Variants in DDX54 observed in about 807,000 individuals in gnomAD.
The protein encoded by DDX54 is ATP-dependent RNA helicase DDX54.
In DDX54, 67 loss-of-function variants were observed where a neutral mutation model predicts 105.5. That is an observed-to-expected ratio of 0.64 (90% CI 0.52 to 0.78). The LOEUF is 0.78. Among genes scored for constraint, DDX54 ranks in the 30% least tolerant of loss-of-function variants. DDX54 has a pLI of 0.00. For synonymous variants in DDX54, 514 were observed against 509.9 expected (o/e 1.01, Z -0.11); for missense variants, 1,206 against 1,230.5 (o/e 0.98, Z 0.30).
Position 113,157,531 on chromosome 12 carries a change from C to T in DDX54, c.*1346G>A, listed in dbSNP as rs191674171. The T allele has an allele frequency of 2.1e-3, 2,726 of 1,319,548 alleles. 4 individuals are homozygous for T. Among genetic ancestry groups the T allele is most frequent in the Non-Finnish European group, 2.4e-3 (2,282 of 938,236 alleles). 81.7% of individuals were successfully genotyped at this position (1,319,548 alleles called of 1,614,324 possible). ...CCCCGCCCTACCTTTCGGCCTCCCC[C>T]GCGTGTTGAGGGGTGGGGGCTGGAC... On this transcript the variant is annotated 3_prime_UTR_variant, in exon 20 of 20. Transcript: ENST00000306014.
At chr12:113,179,417 A>G in intron 3 of DDX54, 86 bp from the exon 4 acceptor site, 1 of 1,443,854 alleles carries the variant, frequency 6.9e-7, no homozygotes, top group Non-Finnish European at 9.4e-7. Context: ...AGGAGTGGGC[A>G]TGCTATAGAT....
intron 19 of DDX54, among the ~76,000 whole-genome samples, chr12:113,159,517 C>T (rs1952179873): frequency 1.3e-5 from 2 of 152,164 alleles, no homozygotes; most frequent in African/African-American, 4.8e-5. Flanking sequence ...ATTAAAAATT[C>T]TCCAACCAAG....
Position 113,162,005 on chromosome 12 carries a change from A to G in DDX54, c.2196-8T>C. On this transcript the variant is annotated splice_region_variant and splice_polypyrimidine_tract_variant and intron_variant, in intron 17 of 19. Transcript: ENST00000306014. ...CGCTTCTTCTTACGGTCCCTGCAGGAGAGGGAGTTGGGACGGCTGCCGTGG... is the reference window on the plus strand; with the variant it reads ...CGCTTCTTCTTACGGTCCCTGCAGGGGAGGGAGTTGGGACGGCTGCCGTGG... 6.2e-7 allele frequency: 1 copy of G among 1,612,116 alleles called. No individual in the cohort carries two copies. Among genetic ancestry groups the G allele is most frequent in the African/African-American group, 1.3e-5 (1 of 74,940 alleles).
intron 14 of DDX54, among the ~76,000 whole-genome samples, chr12:113,164,980 T>C (rs949561746): frequency 2.6e-5 from 4 of 152,272 alleles, no homozygotes; most frequent in South Asian, 4.1e-4. Context: ...TGAGCCATGA[T>C]TGCACCACTG....
chr12:113,163,134 C>T lies in DDX54; in HGVS notation c.2079G>A (p.Arg693=), dbSNP rs764999719. The T allele has an allele frequency of 1.2e-6, 2 of 1,613,056 alleles. No homozygotes were observed. Among genetic ancestry groups the T allele is most frequent in the Non-Finnish European group, 8.5e-7 (1 of 1,179,962 alleles). ...CCAGGACCCAGCCAGCCACTCACCC[C>T]CGCTCGCTGTCAAAGTCCTTGGGCC... is the stretch of plus-strand genomic sequence containing the variant. ...PYRPKDFDSE[R]GLSISGEGGA... is the part of the protein sequence containing the mutation. Residue 693 remains arginine (R), a splice_region_variant and synonymous_variant, in exon 16 of 20, where the codon CGG becomes CGA. Transcript: ENST00000306014. This position sits in a 1 kb window ranked among gnomAD's most constrained non-coding sequence, Gnocchi z 5.9.
At chr12:113,182,419 AC>A (rs1187196988) in intron 1 of DDX54, among the ~76,000 whole-genome samples, 2 of 152,210 alleles carry the variant, frequency 1.3e-5, no homozygotes, top group Non-Finnish European at 2.9e-5. Flanking sequence ...ATATGGCCCA[AC>A]AAAACCTAAA....
rs1030513318 is a variant in DDX54, at chr12:113,157,193, T to C, written c.*1684A>G. ...AGTTCTAGTTTTTACAATGGATCCA[T>C]GGTATTTATTAAGTTCATATTCATA... On this transcript the variant is annotated 3_prime_UTR_variant, in exon 20 of 20. Transcript: ENST00000306014. 5.8e-6 allele frequency: 1 copy of C among 171,490 alleles called. No individual in the cohort carries two copies. Among genetic ancestry groups the C allele is most frequent in the African/African-American group, 2.4e-5 (1 of 42,362 alleles). 10.6% of individuals were successfully genotyped at this position (171,490 alleles called of 1,614,324 possible).
At chr12:113,167,107 G>C (rs1247359499) in intron 12 of DDX54, among the ~76,000 whole-genome samples, 6 of 152,126 alleles carry the variant, frequency 3.9e-5, no homozygotes, top group Admixed American at 3.9e-4. Flanking sequence ...GCCAAGCATG[G>C]TGGCTCACAC....
chr12:113,165,368 T>C (rs1249013518), intron 14 of DDX54, among the ~76,000 whole-genome samples: 1 of 152,172 alleles, frequency 6.6e-6, no homozygotes, highest in African/African-American at 2.4e-5. Flanking sequence ...CTGTAAGTGC[T>C]AGGGAATGGC....
chr12:113,179,829 G>A, intron 3 of DDX54, 106 bp downstream of exon 3: 4 of 1,318,478 alleles, frequency 3.0e-6, no homozygotes, highest in South Asian at 2.4e-5. Context: ...GAGTAAAGGG[G>A]GCAGGAGATG....
rs1203019387 is a variant in DDX54 at position 113,157,585 on chromosome 12, G to A, written c.*1292C>T. 9.0e-6 allele frequency: 14 copies of A among 1,551,120 alleles called. No individual in the cohort carries two copies. Among genetic ancestry groups the A allele is most frequent in the Admixed American group, 5.9e-5 (3 of 50,994 alleles). On this transcript the variant is annotated 3_prime_UTR_variant, in exon 20 of 20. Coordinates refer to ENST00000306014, the MANE Select transcript of DDX54 (RefSeq NM_024072.4). ...GACTCTGGGGCTGGGATGTGACTTC[G>A]TGCTGGGCCCCCCCAGGTGAAGCTG... is the stretch of plus-strand genomic sequence containing the variant.
Position 113,158,813 on chromosome 12 carries a change from C to A in DDX54, c.*64G>T. The A allele has an allele frequency of 2.7e-6, 4 of 1,499,674 alleles. No homozygotes were observed. The highest frequency in any genetic ancestry group is 1.3e-5 in the South Asian group (1 of 75,540). The allele number at this position is 1,499,674 out of a possible 1,614,324, so 92.9% of individuals were successfully genotyped here. On this transcript the variant is annotated 3_prime_UTR_variant, in exon 20 of 20. Transcript: ENST00000306014. This position sits in a 1 kb window ranked among gnomAD's most constrained non-coding sequence, Gnocchi z 4.9. ...ACAGGGCCAGGCACACAGTGGTGCA[C>A]GGGAACGTCTGCTGATGCCCACCCT...
At position 113,177,111 on chromosome 12, in the gene DDX54, G is replaced by A. The variant is rs761120111; in HGVS notation, c.615-18C>T. 6.2e-7 allele frequency: 1 copy of A among 1,613,532 alleles called. No individual in the cohort carries two copies. The highest frequency in any genetic ancestry group is 2.2e-5 in the East Asian group (1 of 44,884). On this transcript the variant is annotated intron_variant, in intron 5 of 19. Coordinates refer to ENST00000306014, the MANE Select transcript of DDX54 (RefSeq NM_024072.4). ...CTTCCATCCTAGAGAGGAGAGAAGG[G>A]GTTAGCTTGATAGAACAGGTCTCTT...
Position 113,172,432 on chromosome 12 carries a change from T to C in DDX54, c.1200A>G (p.Arg400=). 1 of 1,614,238 alleles carries C rather than the reference T, an allele frequency of 6.2e-7. No individual in the cohort carries two copies. Among genetic ancestry groups the C allele is most frequent in the Non-Finnish European group, 8.5e-7 (1 of 1,180,038 alleles). Residue 400 remains arginine (R), a synonymous_variant, in exon 11 of 20, where the codon CGA becomes CGG. Transcript: ENST00000306014. The part of the protein sequence containing the change: ...STLIVTDLAA[R]GLDIPLLDNV... Reference sequence around the variant, plus strand: ...TGTCCAGCAGCGGGATGTCCAGGCCTCGGGCGGCCAGGTCAGTCACAATGA... The same window carrying C: ...TGTCCAGCAGCGGGATGTCCAGGCCCCGGGCGGCCAGGTCAGTCACAATGA...
chr12:113,171,747 T>A (rs981864391), intron 11 of DDX54, among the ~76,000 whole-genome samples: 1 of 151,820 alleles, frequency 6.6e-6, no homozygotes, highest in Admixed American at 6.6e-5. Context: ...AATAGAAACA[T>A]CAGAAGAATG....
chr12:113,158,024 TGA>T lies in DDX54; in HGVS notation c.*851_*852del, dbSNP rs1483744892. The T allele has an allele frequency of 1.1e-5, 3 of 277,674 alleles. No homozygotes were observed. The highest frequency in any genetic ancestry group is 2.1e-5 in the African/African-American group (1 of 46,748). 17.2% of individuals were successfully genotyped at this position (277,674 alleles called of 1,614,324 possible). ...GTCTCAGAACAGGGTCCATGCTAGATGAGAGATCACCAAGGCCCCCTCCACTA... is the reference window on the plus strand; with the variant it reads ...GTCTCAGAACAGGGTCCATGCTAGATGAGATCACCAAGGCCCCCTCCACTA... On this transcript the variant is annotated 3_prime_UTR_variant, in exon 20 of 20. Coordinates refer to ENST00000306014, the MANE Select transcript of DDX54 (RefSeq NM_024072.4). This position sits in a 1 kb window ranked among gnomAD's most constrained non-coding sequence, Gnocchi z 4.9.
At chr12:113,162,426 G>A (rs1952218974) in intron 17 of DDX54, among the ~76,000 whole-genome samples, 1 of 152,216 alleles carries the variant, frequency 6.6e-6, no homozygotes, top group African/African-American at 2.4e-5. Flanking sequence ...TCTCTGTGGT[G>A]TGTGATCAAA....
rs1284787994 is a variant in DDX54, at chr12:113,169,785, G to A, written c.1399C>T (p.Leu467Phe). 2 of 1,613,928 alleles carry A rather than the reference G, an allele frequency of 1.2e-6. No homozygotes were observed. The highest frequency in any genetic ancestry group is 1.7e-6 in the Non-Finnish European group (2 of 1,179,962). Reference protein sequence around the residue: ...LGRSLTLARPLKEPSGVAGVD... With the variant: ...LGRSLTLARPFKEPSGVAGVD... ...CTCCACTCACCTGAGGGCTCCTTGA[G>A]GGGTCGGGCGAGGGTGAGGGAGCGG... The change falls in exon 12 of 20, where the codon CTC becomes TTC. Residue 467 changes from leucine to phenylalanine, a missense_variant. Coordinates refer to ENST00000306014, the MANE Select transcript of DDX54 (RefSeq NM_024072.4).
At chr12:113,172,131 T>G (rs952082858) in intron 11 of DDX54, among the ~76,000 whole-genome samples, 1 of 152,144 alleles carries the variant, frequency 6.6e-6, no homozygotes, top group Non-Finnish European at 1.5e-5. Flanking sequence ...TGTTTTTTTT[T>G]TTTGGTTTTT....
Sources: gnomAD v4.1 joint callset for allele counts (sites outside exome capture counted in the v4.1 genomes callset) on GRCh38, gnomAD v4.1.1 for gene constraint, Gnocchi (gnomAD v3.1) non-coding constraint, MANE v1.5 for transcripts, NCBI Gene and HGNC (gene_info 2026-07-23, HGNC 2026-07-21) for gene names.